The following MRPS22 variants were observed in gnomAD, a reference collection of about 807,000 sequenced individuals.
The protein encoded by MRPS22 is mitochondrial ribosomal protein S22, also known as small ribosomal subunit protein mS22.
In MRPS22, 30 loss-of-function variants were observed where a neutral mutation model predicts 44.0. The ratio of observed to expected loss-of-function variants is 0.68; its 90% CI spans 0.51 to 0.93. The LOEUF is 0.93. Ranked by LOEUF, MRPS22 falls within the 40% of genes least tolerant of loss-of-function variation. The probability of loss-of-function intolerance (pLI) is 0.00; values close to 1 mark genes in which losing one functional copy is unlikely to be tolerated. For synonymous variants in MRPS22, 165 were observed against 154.4 expected, an observed-to-expected ratio of 1.07 and a Z score of -0.51; for missense variants, 447 against 447.8, an observed-to-expected ratio of 1.00 and a Z score of 0.02.
intron 1 of MRPS22, chr3:139,344,648 C>G (rs1434049179): frequency 1.5e-6 from 1 of 684,654 alleles, no homozygotes; most frequent in African/African-American, 1.8e-5. Context: ...AGAAGCTTCT[C>G]AAGCATAGGG....
At chr3:139,344,299 C>G (rs1940994898) in intron 1 of MRPS22, 101 bp downstream of exon 1, 12 of 1,262,624 alleles carry the variant, frequency 9.5e-6, no homozygotes, top group Admixed American at 5.9e-5. Context: ...GACACGTATC[C>G]TAGCGCTTCC....
chr3:139,357,132 A>G (rs1941298791), downstream of MRPS22: 3 of 845,276 alleles, frequency 3.5e-6, no homozygotes, highest in Non-Finnish European at 1.9e-6. Flanking sequence ...TCTCCCTACA[A>G]AGCAAAAATT....
chr3:139,348,944 A>G (rs897382981), intron 3 of MRPS22: 6 of 170,750 alleles, frequency 3.5e-5, no homozygotes, highest in African/African-American at 1.4e-4. Context: ...CTTTGCAAGT[A>G]AAGAATAAAA....
intron 5 of MRPS22, chr3:139,352,388 C>A: frequency 2.4e-6 from 1 of 411,322 alleles, no homozygotes; most frequent in Non-Finnish European, 4.5e-6. Flanking sequence ...CCCACCTCAG[C>A]TTCCCAAAGT....
intron 6 of MRPS22, 76 bp from the exon 7 acceptor site, chr3:139,355,606 G>A: frequency 8.5e-7 from 1 of 1,171,296 alleles, no homozygotes; most frequent in Non-Finnish European, 1.3e-6. Flanking sequence ...TTAGTTTGAA[G>A]TTGGCACACA....
Position 139,348,476 on chromosome 3 carries a change from G to T in MRPS22, c.504+152G>T, listed in dbSNP as rs1028467852. ...CTTCTGGAAGATATACTATATGAGG[G>T]ATGAGAAATGCAGACCAGCCCCACA... is the stretch of plus-strand genomic sequence containing the variant. On this transcript the variant is annotated intron_variant, in intron 3 of 7. Coordinates refer to ENST00000680020, the MANE Select transcript of MRPS22 (RefSeq NM_020191.4). 51 of 736,682 alleles carry T rather than the reference G, an allele frequency of 6.9e-5. 1 individual carries two copies. In the East Asian group the frequency reaches 1.3e-3, roughly 19 times the overall value. The allele number at this position is 736,682 out of a possible 1,614,324, so 45.6% of individuals were successfully genotyped here.
chr3:139,347,841 C>A (rs900881992), intron 2 of MRPS22, among the ~76,000 whole-genome samples: 1 of 152,222 alleles, frequency 6.6e-6, no homozygotes. Context: ...ACTGTTTGAA[C>A]ACTATCTGGC....
Position 139,356,976 on chromosome 3 carries a change from T to TATC in MRPS22, c.1047_1049dup (p.Tyr349_Gln350insHis), listed in dbSNP as rs761161344. 13 of 1,612,866 alleles carry TATC rather than the reference T, an allele frequency of 8.1e-6. No homozygotes were observed. The East Asian group carries it at 2.7e-4, about 33-fold the overall frequency. On this transcript the variant is annotated inframe_insertion, in exon 8 of 8. Transcript: ENST00000680020. Reference sequence around the variant, plus strand: ...CTATATAGAACTAACACTGCAGACTTATCAAGAAGCACTCAGTCGCCATTC... The same window carrying TATC: ...CTATATAGAACTAACACTGCAGACTTATCATCAAGAAGCACTCAGTCGCCATTC...
intron 1 of MRPS22, among the ~76,000 whole-genome samples, chr3:139,346,469 G>A (rs1033541191): frequency 6.6e-6 from 1 of 152,178 alleles, no homozygotes; most frequent in African/African-American, 2.4e-5. Context: ...TTAATAGCTA[G>A]TTGTCTTTGG....
intron 3 of MRPS22, chr3:139,348,999 A>G (rs1941096706): frequency 4.1e-6 from 1 of 246,740 alleles, no homozygotes; most frequent in African/African-American, 2.3e-5. Flanking sequence ...TTAGAACACT[A>G]TAGAATGCTG....
chr3:139,347,588 T>TC (rs1167234643), intron 2 of MRPS22, among the ~76,000 whole-genome samples: 1 of 152,228 alleles, frequency 6.6e-6, no homozygotes, highest in East Asian at 1.9e-4. Flanking sequence ...AGAGTAAAAG[T>TC]CCATCTTTTC....
At position 139,346,914 on chromosome 3, in the gene MRPS22, T is replaced by G. The variant is rs755133779; in HGVS notation, c.209T>G (p.Phe70Cys). 6.2e-7 allele frequency: 1 copy of G among 1,614,120 alleles called. No homozygotes were observed. The change falls in exon 2 of 8, where the codon TTT becomes TGT. Residue 70 changes from phenylalanine (F) to cysteine (C), a missense_variant. Coordinates refer to ENST00000680020, the MANE Select transcript of MRPS22 (RefSeq NM_020191.4). ...SGSPETKKPT[F>C]MDEEVQSILT... ...AGCCCAGAGACCAAGAAACCTACATTTATGGATGAGGAAGTTCAAAGCATA... is the reference window on the plus strand; with the variant it reads ...AGCCCAGAGACCAAGAAACCTACATGTATGGATGAGGAAGTTCAAAGCATA...
intron 6 of MRPS22, among the ~76,000 whole-genome samples, chr3:139,354,725 C>T (rs1201246029): frequency 1.3e-5 from 2 of 152,092 alleles, no homozygotes; most frequent in Non-Finnish European, 2.9e-5. Context: ...GTAAGGGGAA[C>T]GCAGGGAAGG....
In MRPS22 at chr3:139,352,731, T is replaced by A; in HGVS notation, c.817T>A (p.Trp273Arg). ...AACAAGATACTTTGGTGGAATGGTG[T>A]GGTATTTTGTAAATAATAAAAAGAT... is the stretch of plus-strand genomic sequence containing the variant. The part of the protein sequence containing the change: ...RSTRYFGGMV[W>R]YFVNNKKIDG... The change falls in exon 6 of 8, where the codon TGG (tryptophan) becomes AGG (arginine). Residue 273 changes from tryptophan to arginine, a missense_variant. By Grantham distance (101) the Trp-to-Arg change is moderately radical. Transcript: ENST00000680020. 6.2e-7 allele frequency: 1 copy of A among 1,613,554 alleles called. No individual in the cohort carries two copies.
chr3:139,344,115 A>G lies in MRPS22; in HGVS notation c.89A>G (p.Gln30Arg). 1 of 1,614,088 alleles carries G rather than the reference A, an allele frequency of 6.2e-7. No homozygotes were observed. Among genetic ancestry groups the G allele is most frequent in the Non-Finnish European group, 8.5e-7 (1 of 1,180,004 alleles). ...VERVCFRARI[Q>R]PWHGGLLQPL... is the part of the protein sequence containing the mutation. The stretch of plus-strand genomic sequence containing the variant: ...CGGGTCTGTTTCCGGGCTCGAATCC[A>G]GCCCTGGCACGGTGGCCTGCTCCAA... Residue 30 changes from glutamine to arginine, a missense_variant, in exon 1 of 8, where the codon CAG becomes CGG. Coordinates refer to ENST00000680020, the MANE Select transcript of MRPS22 (RefSeq NM_020191.4).
At chr3:139,350,105 A>G (rs1941116670) in intron 3 of MRPS22, 74 bp from the exon 4 acceptor site, 1 of 1,538,468 alleles carries the variant, frequency 6.5e-7, no homozygotes, top group Non-Finnish European at 9.0e-7. Context: ...TATTCTTATA[A>G]TGGCCTTAGT....
intron 1 of MRPS22, chr3:139,344,595 T>C (rs1309281707): frequency 3.2e-6 from 2 of 634,158 alleles, no homozygotes; most frequent in East Asian, 2.7e-5. Context: ...CTGGCAAATA[T>C]GACCAAAGCT....
chr3:139,355,870 G>A, intron 7 of MRPS22, 80 bp downstream of exon 7: 1 of 972,334 alleles, frequency 1.0e-6, no homozygotes, highest in Non-Finnish European at 1.6e-6. Flanking sequence ...ATAATTAATG[G>A]TAACTAAACA....
At chr3:139,350,140 C>A (rs2107788884) in intron 3 of MRPS22, 39 bp from the exon 4 acceptor site, 4 of 1,613,368 alleles carry the variant, frequency 2.5e-6, no homozygotes, top group Non-Finnish European at 8.5e-7. Context: ...AAAAATACGT[C>A]CTCACAAACG....
Sources: gnomAD v4.1 joint callset for allele counts (sites outside exome capture counted in the v4.1 genomes callset) on GRCh38, gnomAD v4.1.1 for gene constraint, MANE v1.5 for transcripts, NCBI Gene and HGNC (gene_info 2026-07-23, HGNC 2026-07-21) for gene names.